Variants in C7orf25 observed in about 807,000 individuals in gnomAD.
The protein encoded by C7orf25 is chromosome 7 open reading frame 25.
Under a neutral mutation model 25.5 loss-of-function variants are expected in C7orf25, and 14 were observed. That is an observed-to-expected ratio of 0.55 (90% CI 0.36 to 0.86). The LOEUF is 0.86. Ranked by LOEUF, C7orf25 falls within the 40% of genes least tolerant of loss-of-function variation. The pLI, the probability that C7orf25 is intolerant of heterozygous loss-of-function variation, is 0.01. For synonymous variants in C7orf25, 184 were observed against 179.9 expected (o/e 1.02, Z -0.18); for missense variants, 405 against 493.9 (o/e 0.82, Z 1.71).
rs1389882015 is a variant in C7orf25 at position 42,912,035 on chromosome 7, C to T, written c.-142G>A. ...TCGAACGCCGAGGCGGCTCCACCCG[C>T]GCGAGCCCCGCCGCCTCGGGCACCT... is the stretch of plus-strand genomic sequence containing the variant. On this transcript the variant is annotated 5_prime_UTR_variant, in exon 1 of 2. Coordinates refer to ENST00000350427, the MANE Select transcript of C7orf25 (RefSeq NM_001099858.2). The T allele has an allele frequency of 1.4e-6, 2 of 1,470,634 alleles. No homozygotes were observed. The highest frequency in any genetic ancestry group is 1.5e-5 in the African/African-American group (1 of 67,640). 91.1% of individuals were successfully genotyped at this position (1,470,634 alleles called of 1,614,324 possible).
rs753098524 is a variant in C7orf25 at position 42,909,674 on chromosome 7, G to A, written c.1227C>T (p.Thr409=). 6.2e-7 allele frequency: 1 copy of A among 1,613,942 alleles called. No homozygotes were observed. Among genetic ancestry groups the A allele is most frequent in the South Asian group, 1.1e-5 (1 of 91,032 alleles). The part of the protein sequence containing the change: ...ALTESKEALA[T]PLPKDYTTDS... ...CAGTTGTGTAGTCTTTTGGTAAGGG[G>A]GTGGCTAGAGCCTCTTTACTCTCAG... The change falls in exon 2 of 2, where the codon ACC becomes ACT. Residue 409 remains threonine (T), a synonymous_variant. Transcript: ENST00000350427.
Position 42,912,017 on chromosome 7 carries a change from C to T in C7orf25, c.-124G>A, listed in dbSNP as rs1785922000. 2 of 1,484,106 alleles carry T rather than the reference C, an allele frequency of 1.3e-6. No homozygotes were observed. The highest frequency in any genetic ancestry group is 1.8e-6 in the Non-Finnish European group (2 of 1,124,654). 91.9% of individuals were successfully genotyped at this position (1,484,106 alleles called of 1,614,324 possible). A position where few individuals can be genotyped will look rare whatever the true frequency, so the allele number is the denominator to read the frequency against. ...GGGCAGCCCCCACCCCGCTCGAACG[C>T]CGAGGCGGCTCCACCCGCGCGAGCC... is the stretch of plus-strand genomic sequence containing the variant. On this transcript the variant is annotated 5_prime_UTR_variant, in exon 1 of 2. Transcript: ENST00000350427.
chr7:42,910,919 T>G lies in C7orf25; in HGVS notation c.-19A>C, dbSNP rs772259495. 6.2e-7 allele frequency: 1 copy of G among 1,611,100 alleles called. No homozygotes were observed. Among genetic ancestry groups the G allele is most frequent in the Non-Finnish European group, 8.5e-7 (1 of 1,179,414 alleles). On this transcript the variant is annotated splice_region_variant and 5_prime_UTR_variant, in exon 2 of 2. Coordinates refer to ENST00000350427, the MANE Select transcript of C7orf25 (RefSeq NM_001099858.2). ...CAGACATGCTGTCAGCATTATTCCT[T>G]TCCTAGGGAAAGAAACAAGGCAAAC...
intron 1 of C7orf25, 69 bp from the exon 2 acceptor site, chr7:42,910,990 T>C (rs1464289404): frequency 6.3e-7 from 1 of 1,599,092 alleles, no homozygotes; most frequent in Non-Finnish European, 8.5e-7. Flanking sequence ...TCACTGGTGA[T>C]TAAAAACTTC....
chr7:42,912,034 G>A lies in C7orf25; in HGVS notation c.-141C>T, dbSNP rs956692185. On this transcript the variant is annotated 5_prime_UTR_variant, in exon 1 of 2. Transcript: ENST00000350427. The stretch of plus-strand genomic sequence containing the variant: ...CTCGAACGCCGAGGCGGCTCCACCC[G>A]CGCGAGCCCCGCCGCCTCGGGCACC... 4.1e-6 allele frequency: 6 copies of A among 1,471,324 alleles called. No individual in the cohort carries two copies. Among genetic ancestry groups the A allele is most frequent in the Non-Finnish European group, 5.4e-6 (6 of 1,119,524 alleles). 91.1% of individuals were successfully genotyped at this position (1,471,324 alleles called of 1,614,324 possible). A position where few individuals can be genotyped will look rare whatever the true frequency, so the allele number is the denominator to read the frequency against.
At chr7:42,911,610 C>T (rs1254654099) in intron 1 of C7orf25, 2 of 1,057,272 alleles carry the variant, frequency 1.9e-6, no homozygotes, top group Admixed American at 1.1e-4. Flanking sequence ...AACTCCAAGG[C>T]TGCAACCCGC....
intron 1 of C7orf25, 192 bp downstream of exon 1, chr7:42,911,723 C>A: frequency 8.4e-7 from 1 of 1,193,912 alleles, no homozygotes; most frequent in Non-Finnish European, 1.0e-6. Flanking sequence ...TGCCCGGCCA[C>A]CTGCACAGCC....
intron 1 of C7orf25, 149 bp from the exon 2 acceptor site, chr7:42,911,070 A>C: frequency 7.7e-7 from 1 of 1,300,984 alleles, no homozygotes; most frequent in Non-Finnish European, 1.1e-6. Flanking sequence ...TTCTGGAGTG[A>C]CTGCTTCCTC....
chr7:42,910,875 TCA>T lies in C7orf25; in HGVS notation c.24_25del (p.Cys8Ter), dbSNP rs755020283. 1 of 1,614,020 alleles carries T rather than the reference TCA, an allele frequency of 6.2e-7. No homozygotes were observed. Among genetic ancestry groups the T allele is most frequent in the South Asian group, 1.1e-5 (1 of 91,084 alleles). Reference sequence around the variant, plus strand: ...CAGTTCCTTGGCTATGGCGATTCGTTCACAGAGCATGGAATGTGCAGACATGC... The same window carrying T: ...CAGTTCCTTGGCTATGGCGATTCGTTCAGAGCATGGAATGTGCAGACATGC... On this transcript the variant is annotated stop_gained and frameshift_variant, in exon 2 of 2. Coordinates refer to ENST00000350427, the MANE Select transcript of C7orf25 (RefSeq NM_001099858.2). LOFTEE classifies it high-confidence loss of function.
chr7:42,910,461 T>G lies in C7orf25; in HGVS notation c.440A>C (p.Glu147Ala), dbSNP rs751454300. The change falls in exon 2 of 2, where the codon GAA becomes GCA. Residue 147 changes from glutamate (E) to alanine (A), a missense_variant. Glu to Ala is a moderately radical substitution (Grantham distance 107, BLOSUM62 -1). Coordinates refer to ENST00000350427, the MANE Select transcript of C7orf25 (RefSeq NM_001099858.2). The stretch of plus-strand genomic sequence containing the variant: ...CTGGTGACTGGCCTGGAGGAAGTCT[T>G]CAGCCTGCTCAATGATGCTTTTGTC... The part of the protein sequence containing the change: ...YGDKSIIEQA[E>A]DFLQASHQQP... 2 of 1,614,270 alleles carry G rather than the reference T, an allele frequency of 1.2e-6. No homozygotes were observed. Among genetic ancestry groups the G allele is most frequent in the Non-Finnish European group, 1.7e-6 (2 of 1,180,052 alleles).
chr7:42,910,515 T>C lies in C7orf25; in HGVS notation c.386A>G (p.Asn129Ser). 1 of 1,614,240 alleles carries C rather than the reference T, an allele frequency of 6.2e-7. No homozygotes were observed. The highest frequency in any genetic ancestry group is 1.3e-5 in the African/African-American group (1 of 75,066). The change falls in exon 2 of 2, where the codon AAC becomes AGC. Residue 129 changes from asparagine to serine, a missense_variant. Asn to Ser is a conservative substitution (Grantham distance 46). Coordinates refer to ENST00000350427, the MANE Select transcript of C7orf25 (RefSeq NM_001099858.2). ...AIGRKAEALHNIWLGRGQYGD... is the reference protein window; with the variant it reads ...AIGRKAEALHSIWLGRGQYGD... ...ATATTGGCCCCTGCCCAGCCAGATG[T>C]TATGAAGAGCTTCAGCCTTCCGGCC...
chr7:42,909,799 G>C lies in C7orf25; in HGVS notation c.1102C>G (p.Leu368Val). 6.2e-7 allele frequency: 1 copy of C among 1,614,126 alleles called. No homozygotes were observed. Among genetic ancestry groups the C allele is most frequent in the African/African-American group, 1.3e-5 (1 of 75,022 alleles). Residue 368 changes from leucine (L) to valine (V), a missense_variant, in exon 2 of 2, where the codon CTA becomes GTA. Leu to Val is a conservative substitution (Grantham distance 32, BLOSUM62 1). Transcript: ENST00000350427. ...TTAGCAGTCATTGTGATGGCTTTTAGGGTGTCTCCCGTCCCAAAAATTGTT... is the reference window on the plus strand; with the variant it reads ...TTAGCAGTCATTGTGATGGCTTTTACGGTGTCTCCCGTCCCAAAAATTGTT... ...SLTIFGTGDT[L>V]KAITMTANSG...
At position 42,909,881 on chromosome 7, in the gene C7orf25, C is replaced by T; in HGVS notation, c.1020G>A (p.Gln340=). 6.2e-7 allele frequency: 1 copy of T among 1,614,214 alleles called. No individual in the cohort carries two copies. Among genetic ancestry groups the T allele is most frequent in the Non-Finnish European group, 8.5e-7 (1 of 1,180,048 alleles). The change falls in exon 2 of 2, where the codon CAG becomes CAA. Residue 340 remains glutamine (Q), a synonymous_variant. Coordinates refer to ENST00000350427, the MANE Select transcript of C7orf25 (RefSeq NM_001099858.2). ...CTAGTCTCAAGGCACGCTCAGAAGG[C>T]TGGTCTGGTACCACATTAATTCGCT... ...LIKRINVVPD[Q]PSERALRLVA...
At position 42,909,276 on chromosome 7, in the gene C7orf25, A is replaced by C. The variant is rs1225914122; in HGVS notation, c.*359T>G. ...AGCAATACAATGAAAAACAGGCTTG[A>C]ATTTTCTCCAGATATTTAATGCAAG... is the stretch of plus-strand genomic sequence containing the variant. On this transcript the variant is annotated 3_prime_UTR_variant, in exon 2 of 2. Transcript: ENST00000350427. 5.3e-6 allele frequency: 1 copy of C among 187,432 alleles called. No individual in the cohort carries two copies. The highest frequency in any genetic ancestry group is 1.1e-5 in the Non-Finnish European group (1 of 91,768). The allele number at this position is 187,432 out of a possible 1,614,324, so 11.6% of individuals were successfully genotyped here.
Position 42,909,559 on chromosome 7 carries a change from T to C in C7orf25, c.*76A>G, listed in dbSNP as rs1357614844. 2.7e-6 allele frequency: 4 copies of C among 1,481,260 alleles called. No individual in the cohort carries two copies. The Admixed American group carries it at 9.1e-5, about 34-fold the overall frequency. 91.8% of individuals were successfully genotyped at this position (1,481,260 alleles called of 1,614,324 possible). A position where few individuals can be genotyped will look rare whatever the true frequency, so the allele number is the denominator to read the frequency against. ...TTTTACTTTTACTATAGACCTTTTTTCCCACCAGTTTAGATGGGAAGACCC... is the reference window on the plus strand; with the variant it reads ...TTTTACTTTTACTATAGACCTTTTTCCCCACCAGTTTAGATGGGAAGACCC... On this transcript the variant is annotated 3_prime_UTR_variant, in exon 2 of 2. Coordinates refer to ENST00000350427, the MANE Select transcript of C7orf25 (RefSeq NM_001099858.2).
rs916405147 is a variant in C7orf25 at position 42,910,178 on chromosome 7, C to T, written c.723G>A (p.Lys241=). The change falls in exon 2 of 2, where the codon AAG becomes AAA. Residue 241 remains lysine (K), a synonymous_variant. Coordinates refer to ENST00000350427, the MANE Select transcript of C7orf25 (RefSeq NM_001099858.2). The part of the protein sequence containing the change: ...LASVAFPTEI[K]VDVCKRVNLD... ...GATTTACTCTTTTGCACACATCGAC[C>T]TTAATTTCTGTTGGAAACGCAACAC... is the stretch of plus-strand genomic sequence containing the variant. 1 of 1,614,144 alleles carries T rather than the reference C, an allele frequency of 6.2e-7. No individual in the cohort carries two copies.
rs748282348 is a variant in C7orf25, at chr7:42,910,784, G to A, written c.117C>T (p.Cys39=). The change falls in exon 2 of 2, where the codon TGC becomes TGT. Residue 39 remains cysteine (C), a synonymous_variant. Transcript: ENST00000350427. Reference sequence around the variant, plus strand: ...ATTTTAATTCTGCCTTCAATTTGCTGCACAGCTTTGCACCACCTTCTATGC... The same window carrying A: ...ATTTTAATTCTGCCTTCAATTTGCTACACAGCTTTGCACCACCTTCTATGC... The part of the protein sequence containing the change: ...KGGIEGGAKL[C]SKLKAELKFL... 5 of 1,614,032 alleles carry A rather than the reference G, an allele frequency of 3.1e-6. No individual in the cohort carries two copies. Among genetic ancestry groups the A allele is most frequent in the Non-Finnish European group, 4.2e-6 (5 of 1,180,048 alleles).
chr7:42,911,957 A>C lies in C7orf25; in HGVS notation c.-64T>G, dbSNP rs1785918614. 2.0e-6 allele frequency: 3 copies of C among 1,491,012 alleles called. No homozygotes were observed. The highest frequency in any genetic ancestry group is 2.7e-6 in the Non-Finnish European group (3 of 1,128,610). The allele number at this position is 1,491,012 out of a possible 1,614,324, so 92.4% of individuals were successfully genotyped here. A position where few individuals can be genotyped will look rare whatever the true frequency, so the allele number is the denominator to read the frequency against. On this transcript the variant is annotated 5_prime_UTR_variant, in exon 1 of 2. Transcript: ENST00000350427. Reference sequence around the variant, plus strand: ...CGAGCGCGAGCACGCAGGCGCGTGCACGCAGAGGCCGGGACCCGCCGGGAA... The same window carrying C: ...CGAGCGCGAGCACGCAGGCGCGTGCCCGCAGAGGCCGGGACCCGCCGGGAA...
chr7:42,909,639 T>A lies in C7orf25; in HGVS notation c.1262A>T (p.His421Leu). 1 of 1,608,138 alleles carries A rather than the reference T, an allele frequency of 6.2e-7. No individual in the cohort carries two copies. The highest frequency in any genetic ancestry group is 8.5e-7 in the Non-Finnish European group (1 of 1,177,820). Residue 421 changes from histidine to leucine, a missense_variant, in exon 2 of 2, where the codon CAC becomes CTC. Transcript: ENST00000350427. ...LPKDYTTDSEH is the reference protein window; with the variant it reads ...LPKDYTTDSEL ...AAAAATATTTAAAGGGTATCTTTAG[T>A]GTTCACTGTCAGTTGTGTAGTCTTT...
Sources: allele counts gnomAD v4.1 joint callset, GRCh38; gene constraint gnomAD v4.1.1; transcripts MANE v1.5; gene names NCBI Gene and HGNC (gene_info 2026-07-23, HGNC 2026-07-21).